HHIP: variants seen among roughly 807,000 people sequenced by gnomAD.
HHIP encodes hedgehog interacting protein.
A neutral mutation model predicts 74.0 loss-of-function variants in HHIP; 12 were observed. That is an observed-to-expected ratio of 0.16 (90% confidence interval 0.10 to 0.26). The LOEUF (loss-of-function observed/expected upper bound fraction) is 0.26, where lower values mean the gene tolerates loss of function less well. HHIP is among the 10% of genes least tolerant of loss of function. The probability of loss-of-function intolerance (pLI) is 1.00; values close to 1 mark genes in which losing one functional copy is unlikely to be tolerated. For synonymous variants in HHIP, 309 were observed against 311.6 expected (o/e 0.99, Z 0.09); for missense variants, 788 against 845.0 (o/e 0.93, Z 0.84).
chr4:144,646,628 G>T lies in HHIP; in HGVS notation c.-48G>T, dbSNP rs1343608801. The stretch of plus-strand genomic sequence containing the variant: ...CCTAGTGCCCCTGCTGGGCAGTGGC[G>T]TTCCCCCCCATCCTCCCGCGCCCAG... On this transcript the variant is annotated 5_prime_UTR_variant, in exon 1 of 13. Coordinates refer to ENST00000296575, the MANE Select transcript of HHIP (RefSeq NM_022475.3). The T allele has an allele frequency of 3.2e-6, 5 of 1,580,652 alleles. No homozygotes were observed. Among genetic ancestry groups the T allele is most frequent in the East Asian group, 2.2e-5 (1 of 44,626 alleles).
Position 144,647,140 on chromosome 4 carries a change from C to G in HHIP, c.279+186C>G, listed in dbSNP as rs1474546292. The G allele has an allele frequency of 6.1e-5, 33 of 540,938 alleles. 1 individual carries two copies. The Middle Eastern group carries it at 1.4e-3, about 23-fold the overall frequency. 33.5% of individuals were successfully genotyped at this position (540,938 alleles called of 1,614,324 possible). A position where few individuals can be genotyped will look rare whatever the true frequency, so the allele number is the denominator to read the frequency against. On this transcript the variant is annotated intron_variant, in intron 1 of 12. Transcript: ENST00000296575. ...CCTCTGGGGTAAGCAAGTAGCATTT[C>G]CTCCCCCAGAGTCCGCGGTCGGGAT...
intron 4 of HHIP, among the ~76,000 whole-genome samples, chr4:144,696,285 T>C (rs1002058050): frequency 2.0e-5 from 3 of 151,798 alleles, no homozygotes; most frequent in East Asian, 1.9e-4. Flanking sequence ...CTTTTTTTTT[T>C]CCCAAACAGG....
intron 12 of HHIP, among the ~76,000 whole-genome samples, chr4:144,735,994 T>C (rs987193741): frequency 1.3e-5 from 2 of 152,180 alleles, no homozygotes; most frequent in African/African-American, 4.8e-5. Flanking sequence ...TGCTTACATG[T>C]TATTTACCCA....
intron 1 of HHIP, chr4:144,650,951 C>T (rs1468539246): frequency 6.6e-6 from 1 of 152,010 alleles, no homozygotes; most frequent in African/African-American, 2.4e-5. Flanking sequence ...CTCCATAAAA[C>T]CAAAGGTAAT....
Position 144,666,294 on chromosome 4 carries a change from T to A in HHIP, c.831+6456T>A, listed in dbSNP as rs974426792. Among the ~76,000 whole-genome samples, 32 of 123,040 alleles carry A rather than the reference T, an allele frequency of 2.6e-4. No homozygotes were observed. In the East Asian group the frequency reaches 2.7e-3, roughly 10 times the overall value. 80.7% of individuals were successfully genotyped at this position (123,040 alleles called of 152,430 possible). A position where few individuals can be genotyped will look rare whatever the true frequency, so the allele number is the denominator to read the frequency against. On this transcript the variant is annotated intron_variant, in intron 4 of 12. Transcript: ENST00000296575. ...GTGTGTGTGTGTGTGTGTGTGTGTG[T>A]GATGAGAACACTTAAGAAATCTATT... is the stretch of plus-strand genomic sequence containing the variant.
chr4:144,728,541 GT>G (rs956170441), intron 11 of HHIP, among the ~76,000 whole-genome samples: 21 of 151,850 alleles, frequency 1.4e-4, no homozygotes, highest in African/African-American at 4.3e-4. Flanking sequence ...GAATTCAAAG[GT>G]TTTTTTTCCT....
At chr4:144,647,419 G>T (rs547399587) in intron 1 of HHIP, among the ~76,000 whole-genome samples, 1 of 152,310 alleles carries the variant, frequency 6.6e-6, no homozygotes, top group South Asian at 2.1e-4. Flanking sequence ...AGCATGGTTG[G>T]TTTATGATCC....
chr4:144,681,681 C>T (rs1729349447), intron 4 of HHIP, among the ~76,000 whole-genome samples: 1 of 152,176 alleles, frequency 6.6e-6, no homozygotes, highest in African/African-American at 2.4e-5. Context: ...CCTCGGCCTC[C>T]CAACGTGCTG....
intron 11 of HHIP, among the ~76,000 whole-genome samples, chr4:144,722,813 C>A (rs1260721462): frequency 6.6e-6 from 1 of 151,860 alleles, no homozygotes; most frequent in Non-Finnish European, 1.5e-5. Flanking sequence ...GAGATCACAC[C>A]ACTGCACACT....
Position 144,741,446 on chromosome 4 carries a change from C to G in HHIP, c.*3489C>G, listed in dbSNP as rs918216937. The G allele has an allele frequency of 7.5e-6, 1 of 132,832 alleles. No homozygotes were observed. Among genetic ancestry groups the G allele is most frequent in the African/African-American group, 2.8e-5 (1 of 35,386 alleles). 8.2% of individuals were successfully genotyped at this position (132,832 alleles called of 1,614,324 possible). A position where few individuals can be genotyped will look rare whatever the true frequency, so the allele number is the denominator to read the frequency against. On this transcript the variant is annotated 3_prime_UTR_variant, in exon 13 of 13. Transcript: ENST00000296575. Reference sequence around the variant, plus strand: ...TGCCCAGGCTGCAGAGCAGCACAATCTCAGCTCACTACAACCTCCGCCTCC... The same window carrying G: ...TGCCCAGGCTGCAGAGCAGCACAATGTCAGCTCACTACAACCTCCGCCTCC...
chr4:144,727,461 A>T (rs573951783), intron 11 of HHIP, among the ~76,000 whole-genome samples: 60 of 152,248 alleles, frequency 3.9e-4, no homozygotes, highest in Non-Finnish European at 5.1e-4. Context: ...GTGGAATACA[A>T]TATTTTTCAG....
At chr4:144,715,146 C>A in intron 9 of HHIP, 154 bp from the exon 10 acceptor site, 1 of 617,174 alleles carries the variant, frequency 1.6e-6, no homozygotes, top group Admixed American at 3.0e-5. Context: ...TTTCACAGTA[C>A]TCACACACGT....
chr4:144,712,639 G>A (rs188570809), intron 8 of HHIP, among the ~76,000 whole-genome samples: 14 of 152,230 alleles, frequency 9.2e-5, no homozygotes, highest in African/African-American at 3.4e-4. Flanking sequence ...GAGAGAACAT[G>A]TAAAAATATA....
intron 2 of HHIP, among the ~76,000 whole-genome samples, chr4:144,654,239 C>T (rs1276431581): frequency 6.6e-6 from 1 of 152,150 alleles, no homozygotes. Flanking sequence ...GAGAGCACAG[C>T]AAACAGCTCA....
At chr4:144,659,125 T>A (rs988183636) in intron 3 of HHIP, among the ~76,000 whole-genome samples, 179 bp downstream of exon 3, 3 of 152,234 alleles carry the variant, frequency 2.0e-5, no homozygotes, top group Non-Finnish European at 4.4e-5. Context: ...CTTTTAATAC[T>A]TAGACTACTA....
At chr4:144,684,281 C>T (rs1328283996) in intron 4 of HHIP, among the ~76,000 whole-genome samples, 31 of 67,870 alleles carry the variant, frequency 4.6e-4, no homozygotes, top group African/African-American at 1.4e-3. Context: ...TTTTTTGAGA[C>T]GGAGTCTCGC....
chr4:144,659,574 C>A, intron 3 of HHIP, 63 bp from the exon 4 acceptor site: 1 of 1,062,360 alleles, frequency 9.4e-7, no homozygotes, highest in South Asian at 2.8e-5. Context: ...AAAAGGATGC[C>A]AAGTGCATCC....
intron 1 of HHIP, among the ~76,000 whole-genome samples, chr4:144,650,403 G>T (rs1196903847): frequency 6.6e-6 from 1 of 152,086 alleles, no homozygotes; most frequent in East Asian, 1.9e-4. Flanking sequence ...TTTGTATACG[G>T]CTTTTAAAAA....
At chr4:144,706,848 T>G (rs1210413390) in intron 5 of HHIP, among the ~76,000 whole-genome samples, 166 bp downstream of exon 5, 1 of 152,194 alleles carries the variant, frequency 6.6e-6, no homozygotes, top group East Asian at 1.9e-4. Flanking sequence ...TTAAGAGAAA[T>G]GGAGAACAAC....
Sources: gnomAD v4.1 joint callset for allele counts (sites outside exome capture counted in the v4.1 genomes callset) on GRCh38, gnomAD v4.1.1 for gene constraint, MANE v1.5 for transcripts, NCBI Gene and HGNC (gene_info 2026-07-23, HGNC 2026-07-21) for gene names.